Variants in C14orf39 observed in about 807,000 individuals in gnomAD.
C14orf39 encodes chromosome 14 open reading frame 39.
In C14orf39, 66 loss-of-function variants were observed where a neutral mutation model predicts 85.6. That is an observed-to-expected ratio of 0.77 (90% CI 0.63 to 0.95). The LOEUF (loss-of-function observed/expected upper bound fraction) is 0.95, where lower values mean the gene tolerates loss of function less well. C14orf39 is among the 40% of genes least tolerant of loss of function. C14orf39 has a pLI of 0.00. For missense variants in C14orf39, 735 were observed against 663.9 expected, an observed-to-expected ratio of 1.11 and a Z score of -1.18; for synonymous variants, 242 against 214.0, an observed-to-expected ratio of 1.13 and a Z score of -1.14.
chr14:60,512,418 G>A (rs1168653485), intron 1 of C14orf39: 1 of 152,182 alleles, frequency 6.6e-6, no homozygotes, highest in Non-Finnish European at 1.5e-5. Flanking sequence ...GACAAAAGAT[G>A]ATAGAAGAGG....
At chr14:60,514,536 C>A (rs988095439) in intron 1 of C14orf39, among the ~76,000 whole-genome samples, 1 of 152,126 alleles carries the variant, frequency 6.6e-6, no homozygotes, top group Non-Finnish European at 1.5e-5. Context: ...CAGTTCCTCT[C>A]GCCTCCACTT....
At chr14:60,437,174 G>A in intron 17 of C14orf39, 127 bp from the exon 18 acceptor site, 2 of 636,464 alleles carry the variant, frequency 3.1e-6, no homozygotes, top group South Asian at 4.7e-5. Context: ...CAGGAATACA[G>A]GTATTTAATT....
chr14:60,486,612 C>T (rs1447870371), upstream of C14orf39, among the ~76,000 whole-genome samples: 1 of 152,152 alleles, frequency 6.6e-6, no homozygotes, highest in African/African-American at 2.4e-5. Flanking sequence ...GTCTGCCTAT[C>T]CAAAGTGAAA....
intron 5 of C14orf39, among the ~76,000 whole-genome samples, chr14:60,473,258 T>C (rs1892192943): frequency 6.6e-6 from 1 of 152,232 alleles, no homozygotes; most frequent in Non-Finnish European, 1.5e-5. Context: ...CGTTCTTTGT[T>C]TTTTCTTATA....
intron 11 of C14orf39, among the ~76,000 whole-genome samples, chr14:60,463,520 T>C (rs1891637433): frequency 6.6e-6 from 1 of 152,066 alleles, no homozygotes; most frequent in African/African-American, 2.4e-5. Context: ...GGAATTAGAG[T>C]GATAATGGTT....
chr14:60,456,824 G>C (rs1260126453), intron 15 of C14orf39, 93 bp downstream of exon 15: 13 of 1,110,536 alleles, frequency 1.2e-5, no homozygotes, highest in Non-Finnish European at 1.4e-5. Flanking sequence ...ATAAAAACTT[G>C]TTAAAGGTAC....
intron 1 of C14orf39, among the ~76,000 whole-genome samples, chr14:60,507,951 CCAGGCCT>C (rs2140186421): frequency 6.6e-6 from 1 of 152,182 alleles, no homozygotes; most frequent in Non-Finnish European, 1.5e-5. Context: ...TTTCTTTGAC[CCAGGCCT>C]CAGAAAATGG....
chr14:60,442,611 T>C (rs1332542646), intron 16 of C14orf39, among the ~76,000 whole-genome samples: 5 of 152,224 alleles, frequency 3.3e-5, no homozygotes, highest in African/African-American at 1.2e-4. Flanking sequence ...TGTGAGCATT[T>C]GTCCATGTCA....
intron 16 of C14orf39, among the ~76,000 whole-genome samples, chr14:60,444,366 G>T (rs898217147): frequency 8.5e-5 from 13 of 152,070 alleles, no homozygotes; most frequent in African/African-American, 3.1e-4. Context: ...TGGCCTGATG[G>T]AGCTGAAAAC....
chr14:60,454,305 A>G (rs1401492353), intron 16 of C14orf39, among the ~76,000 whole-genome samples: 1 of 151,958 alleles, frequency 6.6e-6, no homozygotes, highest in Non-Finnish European at 1.5e-5. Context: ...CTTATGTAGG[A>G]TTATTAAGTG....
intron 15 of C14orf39, among the ~76,000 whole-genome samples, 193 bp downstream of exon 15, chr14:60,456,724 G>C (rs1891296221): frequency 6.6e-6 from 1 of 151,944 alleles, no homozygotes; most frequent in African/African-American, 2.4e-5. Context: ...TGTTAAAACA[G>C]GTATTAATAA....
chr14:60,467,346 C>T (rs1190567732), intron 9 of C14orf39, among the ~76,000 whole-genome samples: 2 of 151,772 alleles, frequency 1.3e-5, no homozygotes, highest in Admixed American at 1.3e-4. Flanking sequence ...TAAGCCAAAA[C>T]TTGTAACTAC....
chr14:60,487,011 T>A (rs887701696), upstream of C14orf39, among the ~76,000 whole-genome samples: 12 of 152,218 alleles, frequency 7.9e-5, no homozygotes, highest in African/African-American at 2.9e-4. Flanking sequence ...AAATTGTATT[T>A]ACCACGTACA....
rs143778721 is a variant in C14orf39 at position 60,484,744 on chromosome 14, T to C, written c.106+137A>G. 9.8e-4 allele frequency: 597 copies of C among 607,008 alleles called. 3 individuals are homozygous for C. The highest frequency in any genetic ancestry group is 7.1e-3 in the African/African-American group (370 of 52,018). 37.6% of individuals were successfully genotyped at this position (607,008 alleles called of 1,614,324 possible). On this transcript the variant is annotated intron_variant, in intron 3 of 17. Coordinates refer to ENST00000321731, the MANE Select transcript of C14orf39 (RefSeq NM_174978.3). The surrounding 1 kb of genome is among the most constrained non-coding windows in gnomAD (Gnocchi z 4.2). ...TCACATCTATTTCGTCTAGGGTAAA[T>C]AGTTTATTTGTCGCTAGAGAGAACT...
intron 1 of C14orf39, among the ~76,000 whole-genome samples, chr14:60,501,554 C>A (rs929250702): frequency 6.6e-6 from 1 of 152,108 alleles, no homozygotes; most frequent in Non-Finnish European, 1.5e-5. Flanking sequence ...CTTGTTGCCT[C>A]CAGAACTGTG....
intron 5 of C14orf39, among the ~76,000 whole-genome samples, chr14:60,472,516 G>C (rs1425417929): frequency 6.6e-6 from 1 of 151,930 alleles, no homozygotes; most frequent in African/African-American, 2.4e-5. Flanking sequence ...TCGTCATTTA[G>C]CATTAGATAT....
chr14:60,500,906 C>A (rs772692825), intron 1 of C14orf39, among the ~76,000 whole-genome samples: 6 of 151,804 alleles, frequency 4.0e-5, no homozygotes, highest in Admixed American at 1.3e-4. Flanking sequence ...AGGAAAAAAA[C>A]CTAGCACTCC....
intron 10 of C14orf39, among the ~76,000 whole-genome samples, 185 bp from the exon 11 acceptor site, chr14:60,466,240 A>G (rs1037247386): frequency 3.0e-4 from 46 of 151,976 alleles, no homozygotes; most frequent in African/African-American, 1.1e-3. Flanking sequence ...TAGCTTTACA[A>G]TAACTATGAA....
At chr14:60,461,285 G>A in intron 13 of C14orf39, 69 bp downstream of exon 13, 2 of 1,320,178 alleles carry the variant, frequency 1.5e-6, no homozygotes, top group Non-Finnish European at 2.2e-6. Context: ...CAATTTATTT[G>A]ACTAATGTAA....
Sources: gnomAD v4.1 joint callset for allele counts (sites outside exome capture counted in the v4.1 genomes callset) on GRCh38, gnomAD v4.1.1 for gene constraint, Gnocchi (gnomAD v3.1) non-coding constraint, MANE v1.5 for transcripts, NCBI Gene and HGNC (gene_info 2026-07-23, HGNC 2026-07-21) for gene names.